The following VNN1 variants were observed in gnomAD, a reference collection of about 807,000 sequenced individuals.
VNN1 encodes the protein vanin 1.
A neutral mutation model predicts 41.9 loss-of-function variants in VNN1; 29 were observed. The observed-to-expected ratio is 0.69, with a 90% CI of 0.52 to 0.94. The LOEUF (loss-of-function observed/expected upper bound fraction) is 0.94. Among genes scored for constraint, VNN1 ranks in the 40% least tolerant of loss-of-function variants. The pLI is 0.00. For missense variants in VNN1, 637 were observed against 621.1 expected (o/e 1.03, Z -0.27); for synonymous variants, 233 against 224.4 (o/e 1.04, Z -0.34).
At chr6:132,710,132 T>A (rs575938496) in intron 2 of VNN1, among the ~76,000 whole-genome samples, 81 of 152,182 alleles carry the variant, frequency 5.3e-4, no homozygotes, top group African/African-American at 1.7e-3. Context: ...CACTGCAACC[T>A]CTGCCTCCCA....
At chr6:132,700,766 G>A (rs1277233459) in intron 2 of VNN1, among the ~76,000 whole-genome samples, 1 of 152,128 alleles carries the variant, frequency 6.6e-6, no homozygotes, top group East Asian at 1.9e-4. Context: ...ATATGATTAT[G>A]AATGTTAGAT....
intron 2 of VNN1, chr6:132,699,183 G>T: frequency 2.7e-6 from 1 of 367,608 alleles, no homozygotes; most frequent in South Asian, 2.6e-5. Context: ...GACTTGATGA[G>T]AATGGAAAAG....
At chr6:132,705,882 A>C (rs1232137646) in intron 2 of VNN1, among the ~76,000 whole-genome samples, 16 of 152,196 alleles carry the variant, frequency 1.1e-4, no homozygotes, top group Admixed American at 1.0e-3. Context: ...AGCAATCTGA[A>C]AAAGAAATCA....
At chr6:132,711,484 G>A (rs1465799168) in intron 2 of VNN1, among the ~76,000 whole-genome samples, 1 of 152,210 alleles carries the variant, frequency 6.6e-6, no homozygotes, top group Non-Finnish European at 1.5e-5. Flanking sequence ...GACCAGAGAT[G>A]TTCACACTGA....
At chr6:132,690,771 T>G (rs546031391) in intron 5 of VNN1, among the ~76,000 whole-genome samples, 11 of 152,312 alleles carry the variant, frequency 7.2e-5, no homozygotes, top group Non-Finnish European at 1.2e-4. Context: ...TACTGTGCAG[T>G]TGGCATAATT....
intron 5 of VNN1, 22 bp from the exon 6 acceptor site, chr6:132,684,527 G>GT: frequency 6.2e-7 from 1 of 1,612,572 alleles, no homozygotes; most frequent in South Asian, 1.1e-5. Flanking sequence ...ATGAAAACCA[G>GT]TAAGTCATAA....
Position 132,681,782 on chromosome 6 carries a change from G to A in VNN1, c.*1358C>T, listed in dbSNP as rs997272456. ...CAGTTAATGTCACCCAAAAGAACAA[G>A]GGATTTTACTCAAATATTTCTTGGA... On this transcript the variant is annotated 3_prime_UTR_variant, in exon 7 of 7. Transcript: ENST00000367928. 6.6e-6 allele frequency: 1 copy of A among 152,418 alleles called. No homozygotes were observed. Among genetic ancestry groups the A allele is most frequent in the Non-Finnish European group, 1.5e-5 (1 of 68,002 alleles). 9.4% of individuals were successfully genotyped at this position (152,418 alleles called of 1,614,324 possible).
chr6:132,700,521 C>A (rs1007274033), intron 2 of VNN1, among the ~76,000 whole-genome samples: 1 of 152,112 alleles, frequency 6.6e-6, no homozygotes, highest in Non-Finnish European at 1.5e-5. Context: ...ATCCCCACTG[C>A]TTCCCAAACC....
At chr6:132,690,028 A>T (rs755608486) in intron 5 of VNN1, among the ~76,000 whole-genome samples, 1 of 152,176 alleles carries the variant, frequency 6.6e-6, no homozygotes, top group African/African-American at 2.4e-5. Flanking sequence ...CAAATTGGCC[A>T]CTGAGTTCCA....
rs768882452 is a variant in VNN1 at position 132,711,856 on chromosome 6, T to C, written c.211-17A>G. On this transcript the variant is annotated splice_polypyrimidine_tract_variant and intron_variant, in intron 1 of 6. Coordinates refer to ENST00000367928, the MANE Select transcript of VNN1 (RefSeq NM_004666.3). The stretch of plus-strand genomic sequence containing the variant: ...ATGCGCACCCTGTTAAAAATGCAAC[T>C]TAATCCAAAGGGGGGCCTGCAAGAG... The C allele has an allele frequency of 6.2e-7, 1 of 1,611,832 alleles. No homozygotes were observed. The highest frequency in any genetic ancestry group is 1.3e-5 in the African/African-American group (1 of 74,986).
rs150539671 is a variant in VNN1, at chr6:132,700,076, T to C, written c.342-5894A>G. Among the ~76,000 whole-genome samples, 253 of 152,288 alleles carry C rather than the reference T, an allele frequency of 1.7e-3. 1 individual carries two copies. In the Middle Eastern group the frequency reaches 0.027, roughly 16 times the overall value. On this transcript the variant is annotated intron_variant, in intron 2 of 6. Transcript: ENST00000367928. ...CAATAGGGACAAAAAGTTTAAACCA[T>C]ATGTGAACAAATTTGAAACTATTCA...
At chr6:132,686,415 T>C (rs1187135055) in intron 5 of VNN1, among the ~76,000 whole-genome samples, 4 of 152,158 alleles carry the variant, frequency 2.6e-5, no homozygotes, top group Admixed American at 2.6e-4. Flanking sequence ...GCCACTGCAC[T>C]CCAGCCTTGG....
chr6:132,692,928 TGTATTAAGGA>T lies in VNN1; in HGVS notation c.826+86_826+95del, dbSNP rs1288729262. 5 of 1,306,348 alleles carry T rather than the reference TGTATTAAGGA, an allele frequency of 3.8e-6. No homozygotes were observed. In the African/African-American group the frequency reaches 7.5e-5, roughly 20 times the overall value. 80.9% of individuals were successfully genotyped at this position (1,306,348 alleles called of 1,614,324 possible). ...TCAAAAATTAAGAGCTGGAAAACAT[TGTATTAAGGA>T]GTATGCGTTAGCTAGAAAAACATGT... On this transcript the variant is annotated intron_variant, in intron 4 of 6. Transcript: ENST00000367928.
chr6:132,709,102 T>G (rs2114373909), intron 2 of VNN1, among the ~76,000 whole-genome samples: 1 of 152,182 alleles, frequency 6.6e-6, no homozygotes, highest in African/African-American at 2.4e-5. Context: ...CTATTCACCT[T>G]CCCCACTTTA....
At chr6:132,694,953 G>C (rs538603328) in intron 2 of VNN1, among the ~76,000 whole-genome samples, 2 of 152,226 alleles carry the variant, frequency 1.3e-5, no homozygotes, top group South Asian at 4.1e-4. Flanking sequence ...AGGAGTTCGA[G>C]ACCAGCCAGA....
At chr6:132,702,508 C>T (rs922424674) in intron 2 of VNN1, among the ~76,000 whole-genome samples, 3 of 152,120 alleles carry the variant, frequency 2.0e-5, no homozygotes, top group South Asian at 2.1e-4. Context: ...AGCCTTGGAG[C>T]GCACATAACC....
At position 132,693,272 on chromosome 6, in the gene VNN1, T is replaced by C. The variant is rs1343165308; in HGVS notation, c.578A>G (p.Glu193Gly). 2.5e-6 allele frequency: 4 copies of C among 1,613,514 alleles called. No individual in the cohort carries two copies. The highest frequency in any genetic ancestry group is 3.3e-4 in the Middle Eastern group (2 of 6,058). Residue 193 changes from glutamate to glycine, a missense_variant, in exon 4 of 7, where the codon GAG becomes GGG. Glu to Gly is a moderately conservative substitution (Grantham distance 98). Coordinates refer to ENST00000367928, the MANE Select transcript of VNN1 (RefSeq NM_004666.3). ...MGENQFNVPK[E>G]PEIVTFNTTF... ...GGTATTGAAAGTCACAATCTCAGGC[T>C]CCTTGGGTACATTGAATTGATTTTC...
In VNN1 at chr6:132,682,131, A is replaced by T. The variant is rs921666371; in HGVS notation, c.*1009T>A. On this transcript the variant is annotated 3_prime_UTR_variant, in exon 7 of 7. Transcript: ENST00000367928. ...TAAATATCTAATTTCTTAAAATGGG[A>T]CTCTCTGGTTTTCTAATTCCAGAGG... 1 of 152,094 alleles carries T rather than the reference A, an allele frequency of 6.6e-6. No individual in the cohort carries two copies. Among genetic ancestry groups the T allele is most frequent in the African/African-American group, 2.4e-5 (1 of 41,404 alleles). 9.4% of individuals were successfully genotyped at this position (152,094 alleles called of 1,614,324 possible).
At position 132,692,393 on chromosome 6, in the gene VNN1, C is replaced by T. The variant is rs540401323; in HGVS notation, c.1018G>A (p.Asp340Asn). 103 of 1,614,052 alleles carry T rather than the reference C, an allele frequency of 6.4e-5. 1 individual carries two copies. In the South Asian group the frequency reaches 8.6e-4, roughly 13 times the overall value. The part of the protein sequence containing the change: ...NKEFKGTVFF[D>N]EFTFVKLTGV... ...GTGAGCTTCACAAAAGTGAATTCATCGAAAAAGACAGTGCCTTTAAATTCC... is the reference window on the plus strand; with the variant it reads ...GTGAGCTTCACAAAAGTGAATTCATTGAAAAAGACAGTGCCTTTAAATTCC... The change falls in exon 5 of 7, where the codon GAT becomes AAT. Residue 340 changes from aspartate (D) to asparagine (N), a missense_variant. Physicochemically the swap from Asp to Asn is conservative, Grantham distance 23. Coordinates refer to ENST00000367928, the MANE Select transcript of VNN1 (RefSeq NM_004666.3).
Sources: gnomAD v4.1 joint callset for allele counts (sites outside exome capture counted in the v4.1 genomes callset) on GRCh38, gnomAD v4.1.1 for gene constraint, MANE v1.5 for transcripts, NCBI Gene and HGNC (gene_info 2026-07-23, HGNC 2026-07-21) for gene names.